Variants in PDE4C observed in about 807,000 individuals in gnomAD.
The protein encoded by PDE4C is phosphodiesterase 4C, also known as 3',5'-cyclic-AMP phosphodiesterase 4C.
A neutral mutation model predicts 63.9 loss-of-function variants in PDE4C; 50 were observed. That is an observed-to-expected ratio of 0.78 (90% confidence interval 0.62 to 0.99). The LOEUF (loss-of-function observed/expected upper bound fraction) is 0.99. PDE4C is among the 50% of genes least tolerant of loss of function. The pLI is 0.00. For missense variants in PDE4C, 777 were observed against 899.1 expected, an observed-to-expected ratio of 0.86 and a Z score of 1.74; for synonymous variants, 377 against 385.1, an observed-to-expected ratio of 0.98 and a Z score of 0.25.
At position 18,220,717 on chromosome 19, in the gene PDE4C, T is replaced by C. The variant is rs553013401; in HGVS notation, c.499+157A>G. On this transcript the variant is annotated intron_variant, in intron 5 of 14. Coordinates refer to ENST00000262805, the Ensembl canonical transcript of PDE4C. The surrounding 1 kb of genome is among the most constrained non-coding windows in gnomAD (Gnocchi z 5.1). ...GGCCTCAGCCTCCTCATCTGTAATA[T>C]GAGTGTGGTGGGGTCCATCCCCGAG... is the stretch of plus-strand genomic sequence containing the variant. 32 of 809,538 alleles carry C rather than the reference T, an allele frequency of 4.0e-5. No homozygotes were observed. In the East Asian group the frequency reaches 8.0e-4, roughly 20 times the overall value. 50.1% of individuals were successfully genotyped at this position (809,538 alleles called of 1,614,324 possible).
At chr19:18,216,866 C>T (rs201331426) in exon 12 of PDE4C, 5 of 1,613,870 alleles carry the variant, frequency 3.1e-6, no homozygotes, top group Middle Eastern at 1.7e-4. Context: ...AGCACCGAGG[C>T]GTCGTTGTAC....
chr19:18,240,444 G>A (rs1007980254), intron 1 of PDE4C, among the ~76,000 whole-genome samples: 9 of 114,092 alleles, frequency 7.9e-5, no homozygotes, highest in Non-Finnish European at 1.2e-4. Flanking sequence ...AAAAAAAAAC[G>A]GGGCTGGGCA....
the PDE4C span, chr19:18,255,152 C>A: frequency 2.5e-6 from 1 of 398,076 alleles, no homozygotes; most frequent in Non-Finnish European, 4.4e-6. The surrounding 1 kb of genome is among the most constrained non-coding windows in gnomAD (Gnocchi z 4.6). Flanking sequence ...AGGTGTGTGA[C>A]TGGGCTGTGC....
exon 1 of PDE4C, chr19:18,226,372 G>C (rs1968724307): frequency 6.7e-7 from 1 of 1,489,140 alleles, no homozygotes; most frequent in Non-Finnish European, 8.9e-7. Flanking sequence ...TCCCCGAGGG[G>C]AGCCGGGCCC....
In PDE4C at chr19:18,218,818, A is replaced by T; in HGVS notation, c.969+122T>A. On this transcript the variant is annotated intron_variant, in intron 9 of 14. Coordinates refer to ENST00000262805, the Ensembl canonical transcript of PDE4C. ...TATTCATCCTTCAATACCCTGCTCA[A>T]ATTATCCCCTTCAGAAATGTCAGGG... 5 of 817,788 alleles carry T rather than the reference A, an allele frequency of 6.1e-6. No individual in the cohort carries two copies. The South Asian group carries it at 6.9e-5, about 11-fold the overall frequency. 50.7% of individuals were successfully genotyped at this position (817,788 alleles called of 1,614,324 possible). A position where few individuals can be genotyped will look rare whatever the true frequency, so the allele number is the denominator to read the frequency against.
rs1312646234 is a variant in PDE4C at position 18,232,973 on chromosome 19, G to A, written c.219C>T (p.Ser73=). 4 of 1,489,534 alleles carry A rather than the reference G, an allele frequency of 2.7e-6. No homozygotes were observed. The East Asian group carries it at 7.5e-5, about 28-fold the overall frequency. 92.3% of individuals were successfully genotyped at this position (1,489,534 alleles called of 1,614,324 possible). A position where few individuals can be genotyped will look rare whatever the true frequency, so the allele number is the denominator to read the frequency against. ...ACCGCCTGCAGGAGGAAACGGGCCA[G>A]GAGAGCCGCGACTTCCTGAGCTCCG... The change falls in exon 1 of 15, where the codon TCC becomes TCT. Residue 73 remains serine (S), a synonymous_variant. Transcript: ENST00000594465.
chr19:18,239,535 C>T (rs1568267589), intron 1 of PDE4C, among the ~76,000 whole-genome samples: 1 of 152,186 alleles, frequency 6.6e-6, no homozygotes, highest in African/African-American at 2.4e-5. Context: ...GTGCGCCAGA[C>T]ACAGGCTGTG....
rs926399420 is a variant in PDE4C at position 18,226,457 on chromosome 19, G to C, written c.-42C>G. On this transcript the variant is annotated 5_prime_UTR_variant, in exon 1 of 15. Coordinates refer to ENST00000262805, the Ensembl canonical transcript of PDE4C. Reference sequence around the variant, plus strand: ...AGGCTGGACCGAGCGCCGGCTGCGCGGGACCTTTTCTGGACAGCTGCGGGG... The same window carrying C: ...AGGCTGGACCGAGCGCCGGCTGCGCCGGACCTTTTCTGGACAGCTGCGGGG... 5.9e-6 allele frequency: 8 copies of C among 1,354,380 alleles called. No individual in the cohort carries two copies. The highest frequency in any genetic ancestry group is 7.6e-6 in the Non-Finnish European group (8 of 1,058,570). 83.9% of individuals were successfully genotyped at this position (1,354,380 alleles called of 1,614,324 possible).
exon 1 of PDE4C, chr19:18,233,242 A>T: frequency 6.5e-7 from 1 of 1,543,142 alleles, no homozygotes; most frequent in Non-Finnish European, 8.7e-7. Flanking sequence ...CGTCCCCGTG[A>T]GCGGGCGCCG....
intron 1 of PDE4C, among the ~76,000 whole-genome samples, chr19:18,247,052 T>C (rs1051569704): frequency 1.3e-5 from 2 of 152,190 alleles, no homozygotes; most frequent in African/African-American, 4.8e-5. Context: ...TTTCCCAGAA[T>C]GGGGGCACTG....
chr19:18,253,469 T>G, the PDE4C span, among the ~76,000 whole-genome samples: 1 of 151,718 alleles, frequency 6.6e-6, no homozygotes, highest in South Asian at 2.1e-4. Flanking sequence ...GAGGATCGCT[T>G]GAGTCCAGGA....
Position 18,220,901 on chromosome 19 carries a change from A to AAGG in PDE4C, c.469_471dup (p.Pro157dup). The AAGG allele has an allele frequency of 6.2e-7, 1 of 1,608,294 alleles. No individual in the cohort carries two copies. Among genetic ancestry groups the AAGG allele is most frequent in the Non-Finnish European group, 8.5e-7 (1 of 1,178,312 alleles). On this transcript the variant is annotated inframe_insertion, in exon 5 of 15. Coordinates refer to ENST00000262805, the Ensembl canonical transcript of PDE4C. This position sits in a 1 kb window ranked among gnomAD's most constrained non-coding sequence, Gnocchi z 5.1. Reference sequence around the variant, plus strand: ...GCAGGAGGGAGCTGATTGCTGGATGAAGGGTTTCCGACGGGTCCCTGCCTG... The same window carrying AAGG: ...GCAGGAGGGAGCTGATTGCTGGATGAAGGAGGGTTTCCGACGGGTCCCTGCCTG...
chr19:18,243,750 T>C (rs2148070456), intron 1 of PDE4C, among the ~76,000 whole-genome samples: 1 of 152,320 alleles, frequency 6.6e-6, no homozygotes, highest in African/African-American at 2.4e-5. Flanking sequence ...CTCCCCCATC[T>C]GGAGTGGAAT....
rs1426273304 is a variant in PDE4C at position 18,219,043 on chromosome 19, G to C, written c.871-5C>G. The C allele has an allele frequency of 6.2e-7, 1 of 1,609,918 alleles. No individual in the cohort carries two copies. Among genetic ancestry groups the C allele is most frequent in the African/African-American group, 1.3e-5 (1 of 74,814 alleles). ...CTTGTTGGTGTCTTCTAGCTCCTAAGATATGAAGGGCTGAAGCTTAATTAA... is the reference window on the plus strand; with the variant it reads ...CTTGTTGGTGTCTTCTAGCTCCTAACATATGAAGGGCTGAAGCTTAATTAA... On this transcript the variant is annotated splice_polypyrimidine_tract_variant and splice_region_variant and intron_variant, in intron 8 of 14. Transcript: ENST00000262805.
intron 13 of PDE4C, 37 bp from the exon 14 acceptor site, chr19:18,211,978 C>T (rs756911373): frequency 6.9e-6 from 11 of 1,597,846 alleles, no homozygotes; most frequent in Admixed American, 3.3e-5. Context: ...ACTGGCGGGG[C>T]CCAGCCACAC....
Position 18,246,167 on chromosome 19 carries a change from C to T in PDE4C, c.-210+2004G>A, listed in dbSNP as rs553038177. Among the ~76,000 whole-genome samples the T allele has an allele frequency of 3.3e-5, 5 of 150,280 alleles. No homozygotes were observed. The South Asian group carries it at 8.5e-4, about 26-fold the overall frequency. On this transcript the variant is annotated intron_variant, in intron 1 of 15. Coordinates refer to the PDE4C transcript ENST00000594617. Reference sequence around the variant, plus strand: ...AGTAGCTGGGATTACAGGTGCCCGCCACCACACCAGGCTAATTTTTTTTTT... The same window carrying T: ...AGTAGCTGGGATTACAGGTGCCCGCTACCACACCAGGCTAATTTTTTTTTT...
exon 2 of PDE4C, chr19:18,222,267 C>T: frequency 6.2e-7 from 1 of 1,613,970 alleles, no homozygotes; most frequent in South Asian, 1.1e-5. Flanking sequence ...CAGGCCAGGG[C>T]TGGACTGAGG....
At chr19:18,244,663 C>A (rs1232206956) in intron 1 of PDE4C, among the ~76,000 whole-genome samples, 1 of 151,868 alleles carries the variant, frequency 6.6e-6, no homozygotes, top group Non-Finnish European at 1.5e-5. Flanking sequence ...CAGTCATGCA[C>A]CACCACACCC....
At chr19:18,250,988 C>T (rs948582111), upstream of PDE4C, among the ~76,000 whole-genome samples, 10 of 152,144 alleles carry the variant, frequency 6.6e-5, no homozygotes, top group Non-Finnish European at 1.3e-4. Context: ...GTTGCCCAGG[C>T]TGGTCTTGAA....
Sources: gnomAD v4.1 joint callset for allele counts (sites outside exome capture counted in the v4.1 genomes callset) on GRCh38, gnomAD v4.1.1 for gene constraint, Gnocchi (gnomAD v3.1) non-coding constraint, MANE v1.5 for transcripts, NCBI Gene and HGNC (gene_info 2026-07-23, HGNC 2026-07-21) for gene names.